Variants in PRR5 observed in about 807,000 individuals in gnomAD.
PRR5 encodes the protein proline rich 5, also known as proline-rich protein 5.
In PRR5, 25 loss-of-function variants were observed where a neutral mutation model predicts 30.6. The ratio of observed to expected loss-of-function variants is 0.82; its 90% CI spans 0.60 to 1.14. The LOEUF (loss-of-function observed/expected upper bound fraction) is 1.14. Among genes scored for constraint, PRR5 ranks in the 50% most tolerant of loss-of-function variants. PRR5 has a pLI of 0.00. For missense variants in PRR5, 600 were observed against 547.1 expected (o/e 1.10, Z -0.96); for synonymous variants, 286 against 247.1 (o/e 1.16, Z -1.48).
rs4823363 is a variant in PRR5 at position 44,691,282 on chromosome 22, C to A, written c.-10-11210C>A. Among the ~76,000 whole-genome samples, 28,233 of 152,058 alleles carry A rather than the reference C, an allele frequency of 0.19. 3,118 individuals are homozygous for A. Among genetic ancestry groups the A allele is most frequent in the South Asian group, 0.36 (1,755 of 4,818 alleles). On this transcript the variant is annotated intron_variant, in intron 1 of 8. Coordinates refer to the PRR5 transcript ENST00000006251. The surrounding 1 kb of genome is among the most constrained non-coding windows in gnomAD (Gnocchi z 4.4). ...TGGTCCTGGCCCTGCCCCTCACCAG[C>A]CTGTGACCCTGCAGGTGACGTCAGG...
upstream of PRR5, chr22:44,702,126 GAT>G: frequency 9.8e-6 from 2 of 203,218 alleles, no homozygotes; most frequent in Non-Finnish European, 1.8e-5. Context: ...CCCCGCCCGC[GAT>G]GCCCCCGCCC....
At chr22:44,674,974 C>T (rs112820917), upstream of PRR5, among the ~76,000 whole-genome samples, 2,731 of 134,006 alleles carry the variant, frequency 0.02, 68 homozygotes, top group African/African-American at 0.07. Context: ...AGAGGCTGGG[C>T]GCGGTGGCTC....
chr22:44,737,186 G>A lies in PRR5; in HGVS notation c.1106G>A (p.Arg369Gln), dbSNP rs374422808. 9.6e-5 allele frequency: 155 copies of A among 1,612,206 alleles called. No homozygotes were observed. The highest frequency in any genetic ancestry group is 1.2e-4 in the Non-Finnish European group (137 of 1,179,684). ...DSEGIFIDFG[R>Q]GRGSGMSDLE... is the part of the protein sequence containing the mutation. ...GAAGGGATTTTCATTGACTTTGGCC[G>A]GGGCCGGGGCTCTGGCATGTCCGAC... Residue 369 changes from arginine (R) to glutamine (Q), a missense_variant, in exon 8 of 8, where the codon CGG becomes CAG. Transcript: ENST00000336985.
At chr22:44,673,651 G>A (rs1923549585), upstream of PRR5, among the ~76,000 whole-genome samples, 1 of 152,198 alleles carries the variant, frequency 6.6e-6, no homozygotes, top group Non-Finnish European at 1.5e-5. Flanking sequence ...CAATAACGGG[G>A]AGCTCACTAC....
intron 6 of PRR5, among the ~76,000 whole-genome samples, chr22:44,732,974 C>CACACATACATGTGCGCACACGCAT (rs1922474606): frequency 6.7e-6 from 1 of 150,254 alleles, no homozygotes; most frequent in African/African-American, 2.5e-5. Flanking sequence ...CACGCATACA[C>CACACATACATGTGCGCACACGCAT]ACTACACACA....
At chr22:44,694,436 G>A (rs979035724) in intron 1 of PRR5, among the ~76,000 whole-genome samples, 1 of 152,224 alleles carries the variant, frequency 6.6e-6, no homozygotes, top group Non-Finnish European at 1.5e-5. Context: ...GGGAGGTTGA[G>A]GTAAGAGGAT....
intron 1 of PRR5, among the ~76,000 whole-genome samples, chr22:44,707,650 A>C (rs1327639314): frequency 6.6e-6 from 1 of 152,190 alleles, no homozygotes. Context: ...TGGGGGTACC[A>C]AGCCCTCTGA....
intron 1 of PRR5, among the ~76,000 whole-genome samples, chr22:44,681,000 C>T (rs963319586): frequency 2.0e-5 from 3 of 152,242 alleles, no homozygotes; most frequent in Non-Finnish European, 4.4e-5. Context: ...ATTCCAGGGC[C>T]ACGATTGTCT....
Position 44,736,881 on chromosome 22 carries a change from G to A in PRR5, c.801G>A (p.Glu267=), listed in dbSNP as rs368240295. 209 of 1,609,588 alleles carry A rather than the reference G, an allele frequency of 1.3e-4. No individual in the cohort carries two copies. Among genetic ancestry groups the A allele is most frequent in the Non-Finnish European group, 1.6e-4 (190 of 1,178,648 alleles). The change falls in exon 8 of 8, where the codon GAG becomes GAA. Residue 267 remains glutamate, a synonymous_variant. Transcript: ENST00000336985. ...TPLLNPVQEH[E]AEGAAAGGTS... The stretch of plus-strand genomic sequence containing the variant: ...TGCTGAACCCCGTGCAGGAGCACGA[G>A]GCGGAGGGCGCGGCGGCCGGCGGTA...
intron 1 of PRR5, among the ~76,000 whole-genome samples, chr22:44,688,248 G>A (rs1273816015): frequency 6.6e-6 from 1 of 151,980 alleles, no homozygotes; most frequent in Non-Finnish European, 1.5e-5. Context: ...GCCGGGTGTG[G>A]TGGTGCACCC....
chr22:44,723,701 CAG>C (rs1569101565), intron 2 of PRR5, among the ~76,000 whole-genome samples: 1 of 152,208 alleles, frequency 6.6e-6, no homozygotes, highest in Non-Finnish European at 1.5e-5. Flanking sequence ...GCCTGGGTGA[CAG>C]AGTGAGATTC....
intron 1 of PRR5, among the ~76,000 whole-genome samples, chr22:44,712,672 G>A (rs1263843781): frequency 6.6e-6 from 1 of 152,234 alleles, no homozygotes; most frequent in Non-Finnish European, 1.5e-5. Context: ...AGGACGTTAG[G>A]AGCATGGTGG....
chr22:44,698,245 A>G (rs538091199), upstream of PRR5, among the ~76,000 whole-genome samples: 1 of 152,196 alleles, frequency 6.6e-6, no homozygotes, highest in Admixed American at 6.5e-5. Context: ...GACGTGGTTG[A>G]TGCCATCGGG....
chr22:44,675,299 C>T (rs1300327910), upstream of PRR5, among the ~76,000 whole-genome samples: 1 of 152,110 alleles, frequency 6.6e-6, no homozygotes, highest in Non-Finnish European at 1.5e-5. Context: ...TGCCACGTTG[C>T]CCAGGCTGGT....
At chr22:44,736,148 G>A (rs900076998) in intron 7 of PRR5, among the ~76,000 whole-genome samples, 4 of 152,164 alleles carry the variant, frequency 2.6e-5, no homozygotes, top group African/African-American at 9.7e-5. Context: ...TCCTCCCTGG[G>A]TCCCCACGTC....
At chr22:44,670,934 A>G (rs1341387896) in intron 1 of PRR5, among the ~76,000 whole-genome samples, 1 of 152,172 alleles carries the variant, frequency 6.6e-6, no homozygotes, top group Non-Finnish European at 1.5e-5. Context: ...GACATGTGTG[A>G]GAAGAACAGA....
chr22:44,725,330 C>G lies in PRR5; in HGVS notation c.264+38C>G, dbSNP rs748357549. 18 of 1,610,346 alleles carry G rather than the reference C, an allele frequency of 1.1e-5. No homozygotes were observed. The South Asian group carries it at 1.9e-4, about 17-fold the overall frequency. Reference sequence around the variant, plus strand: ...TGCTCCAGCCAGGCTGGGCCTGCCTCATGAGCCAGCCAGAAAGCACAGGGG... The same window carrying G: ...TGCTCCAGCCAGGCTGGGCCTGCCTGATGAGCCAGCCAGAAAGCACAGGGG... On this transcript the variant is annotated intron_variant, in intron 3 of 7. Coordinates refer to ENST00000336985, the MANE Select transcript of PRR5 (RefSeq NM_181333.4).
In PRR5 at chr22:44,725,288, T is replaced by G. The variant is rs1308537497; in HGVS notation, c.260T>G (p.Leu87Arg). ...TELGSFFTEY[L>R]QNQLLTKGMV... ...CTGGGGTCCTTCTTCACGGAGTACCTGCAGGTAGGTGGGTCTTGCTCCAGC... is the reference window on the plus strand; with the variant it reads ...CTGGGGTCCTTCTTCACGGAGTACCGGCAGGTAGGTGGGTCTTGCTCCAGC... The change falls in exon 3 of 8, where the codon CTG becomes CGG. Residue 87 changes from leucine to arginine, a missense_variant. By Grantham distance (102) the Leu-to-Arg change is moderately radical (BLOSUM62 -2). Transcript: ENST00000336985. 5 of 1,613,304 alleles carry G rather than the reference T, an allele frequency of 3.1e-6. No individual in the cohort carries two copies. The highest frequency in any genetic ancestry group is 4.2e-6 in the Non-Finnish European group (5 of 1,179,938).
At chr22:44,675,323 G>A (rs1923675484), upstream of PRR5, among the ~76,000 whole-genome samples, 1 of 152,142 alleles carries the variant, frequency 6.6e-6, no homozygotes, top group Non-Finnish European at 1.5e-5. Flanking sequence ...GAACTCCTAG[G>A]CTCAAACTGT....
Sources: gnomAD v4.1 joint callset for allele counts (sites outside exome capture counted in the v4.1 genomes callset) on GRCh38, gnomAD v4.1.1 for gene constraint, Gnocchi (gnomAD v3.1) non-coding constraint, MANE v1.5 for transcripts, NCBI Gene and HGNC (gene_info 2026-07-23, HGNC 2026-07-21) for gene names.